Variants in AHCTF1 observed in about 807,000 individuals in gnomAD.
AHCTF1 encodes the protein protein ELYS.
AHCTF1 carries 24 observed loss-of-function variants against 248.4 expected under a neutral mutation model. The ratio of observed to expected loss-of-function variants is 0.10; its 90% CI spans 0.07 to 0.14. AHCTF1 has a LOEUF of 0.14. AHCTF1 is among the 10% of genes least tolerant of loss of function. The pLI is 1.00. For synonymous variants in AHCTF1, 786 were observed against 929.8 expected (o/e 0.85, Z 2.81); for missense variants, 2,206 against 2,636.2 (o/e 0.84, Z 3.57).
At chr1:246,882,405 T>A (rs1166639194) in intron 21 of AHCTF1, among the ~76,000 whole-genome samples, 1 of 152,162 alleles carries the variant, frequency 6.6e-6, no homozygotes, top group Non-Finnish European at 1.5e-5. Flanking sequence ...ACACAATTTT[T>A]AAAACCCATT....
At chr1:246,897,187 C>T (rs1483933350) in intron 12 of AHCTF1, among the ~76,000 whole-genome samples, 3 of 152,084 alleles carry the variant, frequency 2.0e-5, no homozygotes, top group African/African-American at 4.8e-5. Flanking sequence ...GTGGCACACG[C>T]CTCTAGTTCC....
chr1:246,876,782 T>C (rs928626388), intron 23 of AHCTF1, among the ~76,000 whole-genome samples, 168 bp downstream of exon 23: 1 of 152,174 alleles, frequency 6.6e-6, no homozygotes, highest in Non-Finnish European at 1.5e-5. Context: ...AATTACGTGG[T>C]AATACCCTGT....
intron 8 of AHCTF1, among the ~76,000 whole-genome samples, chr1:246,901,966 G>A (rs1013268294): frequency 6.6e-6 from 1 of 152,234 alleles, no homozygotes; most frequent in Non-Finnish European, 1.5e-5. Flanking sequence ...TCTGGGATGG[G>A]TAAGTTCGCT....
chr1:246,905,437 C>A, intron 6 of AHCTF1, 104 bp downstream of exon 6: 1 of 825,324 alleles, frequency 1.2e-6, no homozygotes, highest in Non-Finnish European at 2.0e-6. Flanking sequence ...GCGGAGGTTG[C>A]AGTGAGCCGA....
chr1:246,929,635 T>C (rs946885161), intron 1 of AHCTF1, among the ~76,000 whole-genome samples: 1 of 152,218 alleles, frequency 6.6e-6, no homozygotes, highest in Admixed American at 6.5e-5. Context: ...GACAGTAGCA[T>C]ATACTTATTG....
intron 35 of AHCTF1, among the ~76,000 whole-genome samples, chr1:246,841,480 TTAAA>T (rs1238749504): frequency 2.6e-5 from 4 of 152,334 alleles, no homozygotes; most frequent in South Asian, 2.1e-4. Context: ...CCATAGTGTC[TTAAA>T]TAAAATGCAT....
intron 24 of AHCTF1, among the ~76,000 whole-genome samples, chr1:246,868,171 C>G (rs377345070): frequency 4.6e-5 from 7 of 151,010 alleles, no homozygotes; most frequent in Admixed American, 1.3e-4. Flanking sequence ...CTCTGTAGCC[C>G]AGGCTGGAGT....
intron 3 of AHCTF1, among the ~76,000 whole-genome samples, chr1:246,914,667 A>G (rs751958521): frequency 1.1e-4 from 17 of 152,292 alleles, no homozygotes; most frequent in Admixed American, 5.9e-4. Context: ...AATAAACATA[A>G]TGAGTGTATA....
chr1:246,926,283 G>A (rs748915510), intron 1 of AHCTF1, among the ~76,000 whole-genome samples: 12 of 152,052 alleles, frequency 7.9e-5, no homozygotes, highest in Non-Finnish European at 1.3e-4. Context: ...ACAGGCTAAC[G>A]TATTTCTAAT....
rs151093519 is a variant in AHCTF1, at chr1:246,892,589, G to A, written c.1805-670C>T. ...GCCCGCCTCGGCCTCCCAAAGTCCTGGGATTACAGGCATGAGCCACTGTGC... is the reference window on the plus strand; with the variant it reads ...GCCCGCCTCGGCCTCCCAAAGTCCTAGGATTACAGGCATGAGCCACTGTGC... On this transcript the variant is annotated intron_variant, in intron 14 of 35. Coordinates refer to ENST00000648844, the MANE Select transcript of AHCTF1 (RefSeq NM_001323342.2). Among the ~76,000 whole-genome samples the A allele has an allele frequency of 3.9e-3, 587 of 152,054 alleles. 6 individuals are homozygous for A. Among genetic ancestry groups the A allele is most frequent in the African/African-American group, 0.013 (560 of 41,500 alleles).
rs1259681215 is a variant in AHCTF1 at position 246,876,083 on chromosome 1, T to C, written c.3042A>G (p.Glu1014=). Residue 1014 remains glutamate (E), a synonymous_variant, in exon 24 of 36, where the codon GAA becomes GAG. Transcript: ENST00000648844. The part of the protein sequence containing the change: ...LPRVHRKLAI[E]RAKPYHLSTS... ...TTGACAGATGATAAGGCTTAGCTCG[T>C]TCAATGGCTAATTTTCGATGGACTC... The C allele has an allele frequency of 6.2e-7, 1 of 1,609,152 alleles. No individual in the cohort carries two copies. Among genetic ancestry groups the C allele is most frequent in the East Asian group, 2.2e-5 (1 of 44,850 alleles).
intron 1 of AHCTF1, among the ~76,000 whole-genome samples, chr1:246,924,205 A>T (rs1048322971): frequency 6.6e-6 from 1 of 152,204 alleles, no homozygotes; most frequent in African/African-American, 2.4e-5. Flanking sequence ...GTTTAACTTT[A>T]AAAAATTTAT....
intron 12 of AHCTF1, 25 bp from the exon 13 acceptor site, chr1:246,895,950 A>C: frequency 1.3e-6 from 2 of 1,574,452 alleles, no homozygotes; most frequent in Non-Finnish European, 1.7e-6. Flanking sequence ...ACAGAAAGGA[A>C]AGAAATGGAA....
intron 31 of AHCTF1, among the ~76,000 whole-genome samples, chr1:246,855,435 C>T (rs568077097): frequency 2.0e-5 from 3 of 152,194 alleles, no homozygotes; most frequent in East Asian, 1.9e-4. Context: ...CAAACAAACA[C>T]GAAATAACTC....
At chr1:246,917,319 G>C (rs1264395581) in intron 2 of AHCTF1, among the ~76,000 whole-genome samples, 1 of 152,172 alleles carries the variant, frequency 6.6e-6, no homozygotes, top group Non-Finnish European at 1.5e-5. Flanking sequence ...ATTTCTGCTT[G>C]AGCAACCAGA....
At chr1:246,869,061 G>A (rs761634146) in intron 24 of AHCTF1, among the ~76,000 whole-genome samples, 4 of 151,430 alleles carry the variant, frequency 2.6e-5, no homozygotes, top group East Asian at 1.9e-4. Context: ...GGCCAGGATG[G>A]TCTCGATCTC....
intron 24 of AHCTF1, among the ~76,000 whole-genome samples, chr1:246,872,069 A>AAAAG (rs1336225591): frequency 6.7e-5 from 10 of 148,774 alleles, no homozygotes; most frequent in African/African-American, 2.6e-4. Flanking sequence ...AAAAAAAAAA[A>AAAAG]AGAACCTAGA....
intron 1 of AHCTF1, among the ~76,000 whole-genome samples, chr1:246,930,845 T>G (rs901801809): frequency 6.6e-5 from 10 of 152,202 alleles, no homozygotes; most frequent in African/African-American, 2.2e-4. Flanking sequence ...AACTGACGAT[T>G]TGGAAATAAA....
chr1:246,906,302 G>A (rs1372246598), intron 5 of AHCTF1, among the ~76,000 whole-genome samples: 3 of 152,098 alleles, frequency 2.0e-5, no homozygotes, highest in Non-Finnish European at 2.9e-5. Context: ...ACTGGCAGCC[G>A]GGCGTGGTAG....
Sources: allele counts gnomAD v4.1 joint callset (sites outside exome capture counted in the v4.1 genomes callset), GRCh38; gene constraint gnomAD v4.1.1; transcripts MANE v1.5; gene names NCBI Gene and HGNC (gene_info 2026-07-23, HGNC 2026-07-21).